The following CRYGB variants were observed in gnomAD, a reference collection of about 807,000 sequenced individuals.
CRYGB encodes gamma-crystallin B.
Under a neutral mutation model 21.3 loss-of-function variants are expected in CRYGB, and 19 were observed. The ratio of observed to expected loss-of-function variants is 0.89; its 90% CI spans 0.62 to 1.31. CRYGB has a LOEUF of 1.31. Ranked by LOEUF, CRYGB falls within the 50% of genes most tolerant of loss-of-function variation. CRYGB has a pLI of 0.00. For synonymous variants in CRYGB, 81 were observed against 81.2 expected, an observed-to-expected ratio of 1.00 and a Z score of 0.01; for missense variants, 254 against 228.4, an observed-to-expected ratio of 1.11 and a Z score of -0.72.
chr2:208,145,956 GGCAGTCAGTGGT>G lies in CRYGB; in HGVS notation c.58_69del (p.Thr20_Cys23del), dbSNP rs1695462241. The G allele has an allele frequency of 3.1e-6, 5 of 1,614,150 alleles. No homozygotes were observed. The highest frequency in any genetic ancestry group is 4.2e-6 in the Non-Finnish European group (5 of 1,180,040). ...CGGCTGAAATAGGGTTGTAGGTTGG[GGCAGTCAGTGGT>G]GCATTCGTAGCTGCGGCCCTGGAAG... On this transcript the variant is annotated inframe_deletion, in exon 2 of 3. Coordinates refer to ENST00000260988, the MANE Select transcript of CRYGB (RefSeq NM_005210.4).
chr2:208,146,067 C>A, intron 1 of CRYGB, 45 bp downstream of exon 1: 1 of 1,614,174 alleles, frequency 6.2e-7, no homozygotes, highest in Non-Finnish European at 8.5e-7. Flanking sequence ...CCACTGAGGC[C>A]ACTGCATTAG....
intron 2 of CRYGB, among the ~76,000 whole-genome samples, chr2:208,143,605 T>C (rs1222981422): frequency 4.2e-5 from 5 of 120,106 alleles, no homozygotes; most frequent in Non-Finnish European, 9.9e-5. Context: ...TGGGTTCAAG[T>C]GATTCTCCTG....
At chr2:208,143,898 A>G (rs1478241034) in intron 2 of CRYGB, among the ~76,000 whole-genome samples, 1 of 152,084 alleles carries the variant, frequency 6.6e-6, no homozygotes, top group Admixed American at 6.5e-5. Flanking sequence ...TTGATGTCTC[A>G]TGTCTCCCTA....
In CRYGB at chr2:208,145,663, T is replaced by C. The variant is rs1574338667; in HGVS notation, c.252+111A>G. 3.5e-6 allele frequency: 5 copies of C among 1,428,584 alleles called. No individual in the cohort carries two copies. The African/African-American group carries it at 5.3e-5, about 15-fold the overall frequency. 88.5% of individuals were successfully genotyped at this position (1,428,584 alleles called of 1,614,324 possible). ...GAGATCATGCCACTGCACTCCACCC[T>C]GGGGGACAGAGCGAGACTCCGCCTC... On this transcript the variant is annotated intron_variant, in intron 2 of 2. Coordinates refer to ENST00000260988, the MANE Select transcript of CRYGB (RefSeq NM_005210.4).
chr2:208,142,924 A>G lies in CRYGB; in HGVS notation c.253-11T>C. The G allele has an allele frequency of 6.3e-7, 1 of 1,580,466 alleles. No individual in the cohort carries two copies. Among genetic ancestry groups the G allele is most frequent in the Non-Finnish European group, 8.6e-7 (1 of 1,163,386 alleles). ...GTAAGCGCCAGAGTGCTGGAGTGGC[A>G]GACAGAAAACGCAAGAGTAAACAAA... On this transcript the variant is annotated splice_polypyrimidine_tract_variant and intron_variant, in intron 2 of 2. Coordinates refer to ENST00000260988, the MANE Select transcript of CRYGB (RefSeq NM_005210.4).
chr2:208,144,131 C>T (rs1244971837), intron 2 of CRYGB, among the ~76,000 whole-genome samples: 1 of 150,898 alleles, frequency 6.6e-6, no homozygotes. Context: ...AGCAATTCTC[C>T]TGCCTCAGCC....
In CRYGB at chr2:208,142,782, C is replaced by T; in HGVS notation, c.384G>A (p.Leu128=). ...TCTCATAGAGGATCCAGCTGCCCTC[C>T]AGCACATTGAGGGAGTGAATTTCAG... The part of the protein sequence containing the change: ...HLTEIHSLNV[L]EGSWILYEMP... Residue 128 remains leucine, a synonymous_variant, in exon 3 of 3, where the codon CTG becomes CTA. Coordinates refer to ENST00000260988, the MANE Select transcript of CRYGB (RefSeq NM_005210.4). The T allele has an allele frequency of 1.9e-6, 3 of 1,614,134 alleles. No individual in the cohort carries two copies. Among genetic ancestry groups the T allele is most frequent in the Non-Finnish European group, 2.5e-6 (3 of 1,180,038 alleles).
chr2:208,143,796 G>C (rs2362793), intron 2 of CRYGB, among the ~76,000 whole-genome samples: 3 of 151,430 alleles, frequency 2.0e-5, no homozygotes, highest in Middle Eastern at 3.4e-3. Flanking sequence ...GGTGAGCCAC[G>C]CGCCCAGCTC....
chr2:208,143,717 G>T (rs1266991000), intron 2 of CRYGB, among the ~76,000 whole-genome samples: 1 of 152,112 alleles, frequency 6.6e-6, no homozygotes, highest in East Asian at 1.9e-4. Flanking sequence ...TGGCCAGGCT[G>T]GTCTTAAACT....
intron 2 of CRYGB, among the ~76,000 whole-genome samples, chr2:208,143,744 C>A (rs1019203661): frequency 6.6e-6 from 1 of 152,094 alleles, no homozygotes; most frequent in African/African-American, 2.4e-5. Flanking sequence ...GGAGTTCAGG[C>A]GATCCACCCA....
intron 2 of CRYGB, among the ~76,000 whole-genome samples, chr2:208,143,559 A>G (rs950538999): frequency 6.5e-5 from 8 of 123,202 alleles, no homozygotes; most frequent in African/African-American, 2.0e-4. Flanking sequence ...CTGTAGTACA[A>G]TGGCGCAATC....
At chr2:208,143,137 T>C (rs1695387622) in intron 2 of CRYGB, among the ~76,000 whole-genome samples, 1 of 152,176 alleles carries the variant, frequency 6.6e-6, no homozygotes, top group South Asian at 2.1e-4. Flanking sequence ...GGAATTAAGA[T>C]TTGCTTACAA....
At chr2:208,145,211 A>G (rs1695434995) in intron 2 of CRYGB, among the ~76,000 whole-genome samples, 2 of 146,238 alleles carry the variant, frequency 1.4e-5, no homozygotes, top group Non-Finnish European at 3.0e-5. Context: ...AAGTAAGACA[A>G]AGCAAGCAAA....
At chr2:208,146,041 A>G in intron 1 of CRYGB, 25 bp from the exon 2 acceptor site, 10 of 1,610,700 alleles carry the variant, frequency 6.2e-6, no homozygotes, top group Non-Finnish European at 8.5e-6. Flanking sequence ...ATGTGGGAGC[A>G]TGGAGTGATT....
At chr2:208,143,414 TA>T (rs1695393657) in intron 2 of CRYGB, among the ~76,000 whole-genome samples, 1 of 152,138 alleles carries the variant, frequency 6.6e-6, no homozygotes, top group Non-Finnish European at 1.5e-5. Flanking sequence ...CCCTATTGTT[TA>T]TGTAAAGATG....
intron 2 of CRYGB, 38 bp from the exon 3 acceptor site, chr2:208,142,951 A>T (rs1695383113): frequency 6.5e-7 from 1 of 1,545,826 alleles, no homozygotes; most frequent in East Asian, 2.3e-5. Flanking sequence ...GTAAACAAAC[A>T]AAAACAGATG....
At position 208,143,828 on chromosome 2, in the gene CRYGB, C is replaced by G. The variant is rs116472269; in HGVS notation, c.253-915G>C. Among the ~76,000 whole-genome samples, 292 of 151,774 alleles carry G rather than the reference C, an allele frequency of 1.9e-3. 1 individual carries two copies. The highest frequency in any genetic ancestry group is 6.7e-3 in the African/African-American group (277 of 41,408). On this transcript the variant is annotated intron_variant, in intron 2 of 2. Transcript: ENST00000260988. Reference sequence around the variant, plus strand: ...GCTCTGTTTCTTATCCATGTCTAACCAGGAAGCCCCTACTTCCTGTCTTAC... The same window carrying G: ...GCTCTGTTTCTTATCCATGTCTAACGAGGAAGCCCCTACTTCCTGTCTTAC...
rs373684892 is a variant in CRYGB at position 208,142,842 on chromosome 2, G to A, written c.324C>T (p.Asp108=). 8.1e-5 allele frequency: 130 copies of A among 1,614,002 alleles called. 1 individual carries two copies. The Middle Eastern group carries it at 1.3e-3, about 16-fold the overall frequency. Reference sequence around the variant, plus strand: ...AGCGGTCCTGAACAGAGATACAGTCGTCTGTGAGCTCTGACATTTGTCCCC... The same window carrying A: ...AGCGGTCCTGAACAGAGATACAGTCATCTGTGAGCTCTGACATTTGTCCCC... ...ELRGQMSELT[D]DCISVQDRFH... The change falls in exon 3 of 3, where the codon GAC becomes GAT. Residue 108 remains aspartate, a synonymous_variant. Coordinates refer to ENST00000260988, the MANE Select transcript of CRYGB (RefSeq NM_005210.4).
Position 208,145,790 on chromosome 2 carries a change from C to T in CRYGB, c.236G>A (p.Cys79Tyr). ...WMGLSDSIRS[C>Y]CLIPPHSGAY... ...CACACTCACCGGGGGGATGAGGCAG[C>T]AGGAGCGGATGGAGTCGCTGAGGCC... is the stretch of plus-strand genomic sequence containing the variant. Residue 79 changes from cysteine (C) to tyrosine (Y), a missense_variant, in exon 2 of 3, where the codon TGC (cysteine) becomes TAC (tyrosine). Coordinates refer to ENST00000260988, the MANE Select transcript of CRYGB (RefSeq NM_005210.4). 6.2e-7 allele frequency: 1 copy of T among 1,612,754 alleles called. No homozygotes were observed. The highest frequency in any genetic ancestry group is 8.5e-7 in the Non-Finnish European group (1 of 1,179,572).
Sources: gnomAD v4.1 joint callset for allele counts (sites outside exome capture counted in the v4.1 genomes callset) on GRCh38, gnomAD v4.1.1 for gene constraint, MANE v1.5 for transcripts, NCBI Gene and HGNC (gene_info 2026-07-23, HGNC 2026-07-21) for gene names.